PPP2R2B: variants seen among roughly 807,000 people sequenced by gnomAD.
PPP2R2B encodes protein phosphatase 2 regulatory subunit Bbeta, also known as serine/threonine-protein phosphatase 2A 55 kDa regulatory subunit B beta isoform.
In PPP2R2B, 5 loss-of-function variants were observed where a neutral mutation model predicts 46.0. The observed-to-expected ratio is 0.11, with a 90% CI of 0.06 to 0.23. PPP2R2B has a LOEUF of 0.23. PPP2R2B is among the 10% of genes least tolerant of loss of function. PPP2R2B has a pLI of 1.00. For missense variants in PPP2R2B, 367 were observed against 575.0 expected (o/e 0.64, Z 3.70); for synonymous variants, 215 against 206.7 (o/e 1.04, Z -0.34).
At position 146,581,508 on chromosome 5, in the gene PPP2R2B, C is replaced by T. The variant is rs577976537; in HGVS notation, c.*8439G>A. The T allele has an allele frequency of 6.6e-6, 1 of 152,126 alleles. No individual in the cohort carries two copies. The highest frequency in any genetic ancestry group is 1.5e-5 in the Non-Finnish European group (1 of 68,024). The allele number at this position is 152,126 out of a possible 1,614,324, so 9.4% of individuals were successfully genotyped here. A position where few individuals can be genotyped will look rare whatever the true frequency, so the allele number is the denominator to read the frequency against. ...TGAGATTATGGTGAGGACACAGATC[C>T]AAATCATGTCAATATATAATTAACC... is the stretch of plus-strand genomic sequence containing the variant. On this transcript the variant is annotated 3_prime_UTR_variant, in exon 10 of 10. Coordinates refer to ENST00000394411, the MANE Select transcript of PPP2R2B (RefSeq NM_181675.4).
At chr5:146,982,170 T>C (rs941268285) in intron 1 of PPP2R2B, among the ~76,000 whole-genome samples, 1 of 152,210 alleles carries the variant, frequency 6.6e-6, no homozygotes, top group African/African-American at 2.4e-5. Context: ...AATTACTGAT[T>C]TGAGATATTT....
chr5:146,773,535 C>A (rs778559222), intron 2 of PPP2R2B, among the ~76,000 whole-genome samples: 2 of 152,124 alleles, frequency 1.3e-5, no homozygotes, highest in African/African-American at 4.8e-5. Context: ...AGCACATGCA[C>A]AAAATAATGA....
intron 2 of PPP2R2B, among the ~76,000 whole-genome samples, chr5:146,832,382 T>C (rs1484190865): frequency 2.4e-5 from 3 of 125,092 alleles, no homozygotes; most frequent in Admixed American, 1.6e-4. Context: ...TTTTAATCTT[T>C]TTTTTTTTTT....
At chr5:146,830,194 A>C (rs1758841553) in intron 2 of PPP2R2B, among the ~76,000 whole-genome samples, 1 of 152,208 alleles carries the variant, frequency 6.6e-6, no homozygotes, top group African/African-American at 2.4e-5. Flanking sequence ...TCTGGCTGAG[A>C]AACCATGATG....
intron 1 of PPP2R2B, among the ~76,000 whole-genome samples, chr5:146,893,673 A>G (rs541949439): frequency 6.6e-6 from 1 of 152,002 alleles, no homozygotes; most frequent in African/African-American, 2.4e-5. Context: ...ATGAGAACAC[A>G]TGGACACAGG....
intron 1 of PPP2R2B, among the ~76,000 whole-genome samples, chr5:147,018,041 GCGCACACACACA>G (rs1229103674): frequency 1.2e-4 from 2 of 16,926 alleles, no homozygotes; most frequent in East Asian, 5.9e-4. Flanking sequence ...ATGCATGCGC[GCGCACACACACA>G]CACACACACA....
At chr5:146,862,574 A>G (rs1761066841) in intron 2 of PPP2R2B, among the ~76,000 whole-genome samples, 1 of 152,174 alleles carries the variant, frequency 6.6e-6, no homozygotes, top group Non-Finnish European at 1.5e-5. Context: ...CAGGCCTTGC[A>G]GGTACCAGGG....
chr5:146,676,730 A>T (rs1777742005), intron 5 of PPP2R2B, among the ~76,000 whole-genome samples: 1 of 152,220 alleles, frequency 6.6e-6, no homozygotes, highest in South Asian at 2.1e-4. Flanking sequence ...CCATGAAGGC[A>T]GGAACCATAT....
intron 2 of PPP2R2B, among the ~76,000 whole-genome samples, chr5:146,723,905 T>A (rs773610067): frequency 8.5e-5 from 13 of 152,148 alleles, no homozygotes; most frequent in Non-Finnish European, 1.8e-4. Context: ...ATCTCATTAA[T>A]CCCTTTTTTC....
intron 1 of PPP2R2B, among the ~76,000 whole-genome samples, chr5:146,999,525 C>T (rs1053901886): frequency 6.6e-6 from 1 of 152,192 alleles, no homozygotes; most frequent in Non-Finnish European, 1.5e-5. Context: ...TTCCCAGGCT[C>T]CTCAGGTGAT....
chr5:146,701,916 AC>A (rs1343071085), intron 2 of PPP2R2B, among the ~76,000 whole-genome samples: 1 of 152,126 alleles, frequency 6.6e-6, no homozygotes, highest in African/African-American at 2.4e-5. Context: ...TATGCTGGTT[AC>A]CCCTGGAGGA....
In PPP2R2B at chr5:146,697,937, C is replaced by A. The variant is rs532852562; in HGVS notation, c.334+42G>T. 5.1e-6 allele frequency: 8 copies of A among 1,565,594 alleles called. 1 individual carries two copies. The highest frequency in any genetic ancestry group is 1.8e-5 in the Admixed American group (1 of 55,514). On this transcript the variant is annotated intron_variant, in intron 4 of 9. Coordinates refer to ENST00000394411, the MANE Select transcript of PPP2R2B (RefSeq NM_181675.4). ...AGAGAGATTGAAGTATATAGTTTGG[C>A]CGACTGTATCTCTGAAAATACCAAA...
At chr5:147,042,923 C>T (rs990395111) in intron 1 of PPP2R2B, among the ~76,000 whole-genome samples, 4 of 151,984 alleles carry the variant, frequency 2.6e-5, no homozygotes, top group Non-Finnish European at 2.9e-5. Context: ...AGGGGATGTA[C>T]GTGGTCTGTT....
intron 2 of PPP2R2B, among the ~76,000 whole-genome samples, chr5:146,792,789 G>A (rs146554657): frequency 4.0e-4 from 61 of 152,260 alleles, no homozygotes; most frequent in African/African-American, 1.4e-3. Flanking sequence ...AGAAGGCTAC[G>A]GGACAGGCAG....
intron 2 of PPP2R2B, among the ~76,000 whole-genome samples, chr5:146,863,551 G>C (rs1304680172): frequency 6.6e-6 from 1 of 151,968 alleles, no homozygotes; most frequent in Admixed American, 6.6e-5. Flanking sequence ...TCTAGAAGAT[G>C]CTTTAACACT....
chr5:146,861,047 A>ATTTTTT (rs869248861), intron 2 of PPP2R2B, among the ~76,000 whole-genome samples: 7 of 132,170 alleles, frequency 5.3e-5, no homozygotes, highest in Non-Finnish European at 6.4e-5. Context: ...TTCAAACTGA[A>ATTTTTT]TTTTTTCTTT....
In PPP2R2B at chr5:146,907,920, C is replaced by A. The variant is rs142212876; in HGVS notation, c.79+147745G>T. On this transcript the variant is annotated intron_variant, in intron 1 of 8. Coordinates refer to the PPP2R2B transcript ENST00000336640. The stretch of plus-strand genomic sequence containing the variant: ...AAACTGGCTGATCAAATGTTGGCAG[C>A]ATTGAATTCCCTAGAAGGAAAAACC... 7.3e-3 allele frequency among the ~76,000 whole-genome samples: 1,115 copies of A among 152,180 alleles called. 1 individual carries two copies. Among genetic ancestry groups the A allele is most frequent in the Non-Finnish European group, 0.012 (830 of 68,016 alleles).
chr5:146,989,799 A>G (rs1753605875), intron 1 of PPP2R2B, among the ~76,000 whole-genome samples: 2 of 152,144 alleles, frequency 1.3e-5, no homozygotes, highest in African/African-American at 2.4e-5. Context: ...AAAAAGTGGA[A>G]GTCATATTGT....
intron 1 of PPP2R2B, among the ~76,000 whole-genome samples, chr5:147,011,306 C>T (rs956201819): frequency 1.3e-5 from 2 of 152,078 alleles, no homozygotes; most frequent in South Asian, 2.1e-4. Context: ...AATGCCCCCC[C>T]CATCCCTACA....
Sources: gnomAD v4.1 joint callset for allele counts (sites outside exome capture counted in the v4.1 genomes callset) on GRCh38, gnomAD v4.1.1 for gene constraint, MANE v1.5 for transcripts, NCBI Gene and HGNC (gene_info 2026-07-23, HGNC 2026-07-21) for gene names.